The following SEMA5B variants were observed in gnomAD, a reference collection of about 807,000 sequenced individuals.
SEMA5B encodes semaphorin 5B, also known as semaphorin-5B.
SEMA5B carries 66 observed loss-of-function variants against 135.0 expected under a neutral mutation model. The observed-to-expected ratio is 0.49, with a 90% CI of 0.40 to 0.60. SEMA5B has a LOEUF of 0.60. SEMA5B is among the 20% of genes least tolerant of loss of function. The probability of loss-of-function intolerance (pLI) is 0.00; values close to 1 mark genes in which losing one functional copy is unlikely to be tolerated. For synonymous variants in SEMA5B, 690 were observed against 639.5 expected, an observed-to-expected ratio of 1.08 and a Z score of -1.19; for missense variants, 1,501 against 1,566.3, an observed-to-expected ratio of 0.96 and a Z score of 0.70.
intron 5 of SEMA5B, among the ~76,000 whole-genome samples, chr3:122,933,192 C>T (rs1029848891): frequency 1.3e-5 from 2 of 151,910 alleles, no homozygotes; most frequent in Admixed American, 6.6e-5. Flanking sequence ...CTTTCCGAAT[C>T]GCATGTTTCC....
At chr3:122,996,641 T>C (rs1429842145) in intron 1 of SEMA5B, among the ~76,000 whole-genome samples, 2 of 152,260 alleles carry the variant, frequency 1.3e-5, no homozygotes, top group South Asian at 2.1e-4. Flanking sequence ...CTAGCCTTCC[T>C]GTGCAGGATT....
intron 1 of SEMA5B, chr3:122,974,953 A>G (rs4234209): frequency 0.57 from 86,381 of 152,138 alleles, 27,182 homozygotes; most frequent in Non-Finnish European, 0.71. Flanking sequence ...TCCACAATGG[A>G]ACTGGAATAG....
At chr3:122,974,140 G>T (rs530967959) in intron 1 of SEMA5B, among the ~76,000 whole-genome samples, 1 of 152,224 alleles carries the variant, frequency 6.6e-6, no homozygotes, top group East Asian at 1.9e-4. Context: ...GCTTGCAGGC[G>T]GGGAGGGAGA....
chr3:122,941,056 G>A (rs922393937), intron 4 of SEMA5B, among the ~76,000 whole-genome samples: 10 of 152,200 alleles, frequency 6.6e-5, no homozygotes, highest in African/African-American at 2.4e-4. Flanking sequence ...TCTGTAGCCT[G>A]ACCCACCCTA....
chr3:122,941,486 C>T (rs542229395), intron 4 of SEMA5B, among the ~76,000 whole-genome samples: 131 of 152,306 alleles, frequency 8.6e-4, no homozygotes, highest in African/African-American at 3.1e-3. Flanking sequence ...TACATAGAAC[C>T]CACTTCCTGG....
chr3:122,948,835 CAG>C (rs1485715353), intron 2 of SEMA5B, 126 bp from the exon 3 acceptor site: 1 of 776,354 alleles, frequency 1.3e-6, no homozygotes, highest in Non-Finnish European at 2.0e-6. Flanking sequence ...TTATGTTACT[CAG>C]AGTTTGCTCT....
intron 14 of SEMA5B, among the ~76,000 whole-genome samples, chr3:122,914,975 C>G (rs569743952): frequency 6.6e-6 from 1 of 152,164 alleles, no homozygotes; most frequent in Non-Finnish European, 1.5e-5. Flanking sequence ...CTGTATATAC[C>G]TTATCTCATT....
intron 1 of SEMA5B, among the ~76,000 whole-genome samples, chr3:122,998,467 A>G (rs1174404375): frequency 1.3e-5 from 2 of 152,218 alleles, no homozygotes; most frequent in African/African-American, 4.8e-5. Flanking sequence ...TTCCAGGCTT[A>G]TCTATTTCAC....
Position 122,929,007 on chromosome 3 carries a change from CT to C in SEMA5B, c.525del (p.Lys177ArgfsTer13). The C allele has an allele frequency of 6.2e-7, 1 of 1,612,586 alleles. No homozygotes were observed. ...SEDTRRSCQSKGKTEEECQNY... is the reference protein window; with the variant it reads ...SEDTRRSCQSXGKTEEECQNY... ...CCGAGACCACGTACCTCAGTCTTCC[CT>C]TTGCTTTGGCAGGAGCGGCGCGTGT... On this transcript the variant is annotated frameshift_variant, in exon 6 of 23. Coordinates refer to ENST00000357599, the MANE Select transcript of SEMA5B (RefSeq NM_001031702.4). LOFTEE classifies it high-confidence loss of function.
chr3:123,019,842 T>C (rs921050607), intron 1 of SEMA5B, among the ~76,000 whole-genome samples: 4 of 152,082 alleles, frequency 2.6e-5, no homozygotes, highest in Non-Finnish European at 5.9e-5. Context: ...TAGGAGTTCC[T>C]ATGAAGGGAG....
At chr3:122,945,124 C>T (rs1185683926) in intron 3 of SEMA5B, among the ~76,000 whole-genome samples, 2 of 152,160 alleles carry the variant, frequency 1.3e-5, no homozygotes, top group Non-Finnish European at 2.9e-5. Context: ...AACATTTAAT[C>T]GCTCCCTGGA....
Position 122,913,393 on chromosome 3 carries a change from G to T in SEMA5B, c.2312C>A (p.Pro771His). ...EFKTCNPEGC[P>H]EVRRNTPWTP... ...CCAGGGGGTGTTGCGCCGCACTTCG[G>T]GGCAGCCCTCGGGGTTGCACGTCTT... Residue 771 changes from proline to histidine, a missense_variant, in exon 17 of 23, where the codon CCC (proline) becomes CAC (histidine). Pro to His is a moderately conservative substitution (Grantham distance 77). This residue lies in a region of SEMA5B where 927 missense variants were observed against 881.6 expected (regional missense o/e 1.05). Coordinates refer to ENST00000357599, the MANE Select transcript of SEMA5B (RefSeq NM_001031702.4). 6.3e-7 allele frequency: 1 copy of T among 1,577,818 alleles called. No individual in the cohort carries two copies. Among genetic ancestry groups the T allele is most frequent in the East Asian group, 2.3e-5 (1 of 44,000 alleles).
intron 22 of SEMA5B, 30 bp downstream of exon 22, chr3:122,910,810 A>G (rs1286919023): frequency 6.6e-6 from 1 of 151,262 alleles, no homozygotes; most frequent in East Asian, 1.8e-4. Context: ...ACTCCGTCTC[A>G]AAAAAAAAAA....
At chr3:123,010,097 C>T (rs940689790) in intron 1 of SEMA5B, among the ~76,000 whole-genome samples, 8 of 152,114 alleles carry the variant, frequency 5.3e-5, no homozygotes, top group Non-Finnish European at 7.3e-5. Context: ...CCTGGAGGAC[C>T]GGAGGTGGCT....
chr3:122,966,548 A>G (rs1034149181), intron 1 of SEMA5B, among the ~76,000 whole-genome samples: 1 of 147,412 alleles, frequency 6.8e-6, no homozygotes, highest in East Asian at 2.0e-4. Flanking sequence ...TATTATTATT[A>G]TTATTATTAT....
At chr3:122,964,053 G>C (rs1052188252) in intron 1 of SEMA5B, among the ~76,000 whole-genome samples, 1 of 152,040 alleles carries the variant, frequency 6.6e-6, no homozygotes, top group Admixed American at 6.5e-5. Context: ...CCACCAGGCC[G>C]CCTCTGTCTC....
rs150257352 is a variant in SEMA5B, at chr3:122,987,999, G to A, written c.-38-26698C>T. 1.8e-3 allele frequency among the ~76,000 whole-genome samples: 268 copies of A among 152,214 alleles called. 1 individual carries two copies. Among genetic ancestry groups the A allele is most frequent in the African/African-American group, 6.3e-3 (262 of 41,524 alleles). On this transcript the variant is annotated intron_variant, in intron 1 of 22. Transcript: ENST00000357599. Reference sequence around the variant, plus strand: ...CCATAGAAGGAAGTGCAGTTGGAAGGGGGGCCTCAGAGATGTGCAACAGTA... The same window carrying A: ...CCATAGAAGGAAGTGCAGTTGGAAGAGGGGCCTCAGAGATGTGCAACAGTA...
intron 1 of SEMA5B, among the ~76,000 whole-genome samples, chr3:123,004,592 A>G (rs1942259338): frequency 6.6e-6 from 1 of 152,254 alleles, no homozygotes; most frequent in Non-Finnish European, 1.5e-5. Flanking sequence ...AGGCCAATCT[A>G]AAGTGTGTTA....
intron 1 of SEMA5B, among the ~76,000 whole-genome samples, chr3:123,003,749 G>A (rs1942238447): frequency 6.6e-6 from 1 of 152,174 alleles, no homozygotes; most frequent in East Asian, 1.9e-4. Context: ...CAGGAGAATC[G>A]CATGAACCTT....
Sources: gnomAD v4.1 joint callset for allele counts (sites outside exome capture counted in the v4.1 genomes callset) on GRCh38, gnomAD v4.1.1 for gene constraint, gnomAD v4.1.1 regional missense constraint, MANE v1.5 for transcripts, NCBI Gene and HGNC (gene_info 2026-07-23, HGNC 2026-07-21) for gene names.